Variants in CYFIP2 observed in about 807,000 individuals in gnomAD.
CYFIP2 encodes cytoplasmic FMR1-interacting protein 2.
In CYFIP2, 29 loss-of-function variants were observed where a neutral mutation model predicts 158.7. The ratio of observed to expected loss-of-function variants is 0.18; its 90% CI spans 0.14 to 0.25. CYFIP2 has a LOEUF of 0.25. CYFIP2 is among the 10% of genes least tolerant of loss of function. The pLI, the probability that CYFIP2 is intolerant of heterozygous loss-of-function variation, is 1.00. For synonymous variants in CYFIP2, 585 were observed against 617.6 expected, an observed-to-expected ratio of 0.95 and a Z score of 0.78; for missense variants, 852 against 1,639.5, an observed-to-expected ratio of 0.52 and a Z score of 8.29.
In CYFIP2 at chr5:157,359,005, C is replaced by A. The variant is rs773991920; in HGVS notation, c.2674C>A (p.Pro892Thr). ...VQPYYLYGSK[P>T]LNIAYSHIYS... Reference sequence around the variant, plus strand: ...ATTTGCCACTACCTCTGTTTTCCAGCCTCTCAACATTGCCTACAGCCACAT... The same window carrying A: ...ATTTGCCACTACCTCTGTTTTCCAGACTCTCAACATTGCCTACAGCCACAT... The change falls in exon 24 of 31, where the codon CCT becomes ACT. Residue 892 changes from proline (P) to threonine (T), a missense_variant and splice_region_variant. Around this residue, in one of 8 missense-constraint regions of CYFIP2, gnomAD observed 191 missense variants for 311.2 expected, o/e 0.61. Coordinates refer to ENST00000620254, the MANE Select transcript of CYFIP2 (RefSeq NM_001037333.3). 3.7e-6 allele frequency: 6 copies of A among 1,614,016 alleles called. No homozygotes were observed. In the Admixed American group the frequency reaches 1.0e-4, roughly 27 times the overall value.
At position 157,395,143 on chromosome 5, in the gene CYFIP2, A is replaced by G; in HGVS notation, c.*2143A>G. 5.4e-6 allele frequency: 1 copy of G among 183,822 alleles called. No homozygotes were observed. The highest frequency in any genetic ancestry group is 1.1e-5 in the Non-Finnish European group (1 of 89,500). The allele number at this position is 183,822 out of a possible 1,614,324, so 11.4% of individuals were successfully genotyped here. On this transcript the variant is annotated 3_prime_UTR_variant, in exon 31 of 31. Transcript: ENST00000620254. ...GGCCGAGTCACATTACCTTCAGGAG[A>G]CTTGATCCCAGTAGACTGAGGTCTT... is the stretch of plus-strand genomic sequence containing the variant.
chr5:157,283,757 C>G (rs1015509685), intron 1 of CYFIP2, among the ~76,000 whole-genome samples: 3 of 152,118 alleles, frequency 2.0e-5, no homozygotes, highest in Non-Finnish European at 4.4e-5. Flanking sequence ...AGCCTTGGGC[C>G]TAAGGCAGGT....
At chr5:157,321,552 A>T (rs1030749094) in intron 15 of CYFIP2, among the ~76,000 whole-genome samples, 3 of 152,182 alleles carry the variant, frequency 2.0e-5, no homozygotes, top group African/African-American at 7.2e-5. Context: ...CTACTTAAGG[A>T]TAGGTAGTTT....
At chr5:157,286,301 T>C (rs1757371255) in intron 2 of CYFIP2, among the ~76,000 whole-genome samples, 1 of 151,356 alleles carries the variant, frequency 6.6e-6, no homozygotes, top group Non-Finnish European at 1.5e-5. Flanking sequence ...ATTTTTTCTA[T>C]AACTATGCGG....
At chr5:157,369,138 T>C (rs1488697980) in intron 26 of CYFIP2, among the ~76,000 whole-genome samples, 1 of 152,112 alleles carries the variant, frequency 6.6e-6, no homozygotes, top group Non-Finnish European at 1.5e-5. Context: ...CCTCAAGTGA[T>C]CCACCTGCCT....
At chr5:157,312,809 A>G (rs1759844577) in intron 11 of CYFIP2, among the ~76,000 whole-genome samples, 1 of 152,288 alleles carries the variant, frequency 6.6e-6, no homozygotes, top group Non-Finnish European at 1.5e-5. Flanking sequence ...TATATGTACC[A>G]ATCCGTTGAA....
intron 23 of CYFIP2, among the ~76,000 whole-genome samples, chr5:157,351,525 A>G (rs947715499): frequency 5.3e-5 from 8 of 152,246 alleles, no homozygotes; most frequent in Non-Finnish European, 1.0e-4. Context: ...TTTACAAACC[A>G]CATGACAACT....
chr5:157,308,617 G>A (rs1035697868), intron 9 of CYFIP2, among the ~76,000 whole-genome samples: 4 of 152,202 alleles, frequency 2.6e-5, no homozygotes, highest in African/African-American at 9.7e-5. Context: ...GAACTCAGTG[G>A]TGTGACATGG....
chr5:157,285,286 G>A (rs1245619115), intron 1 of CYFIP2, 53 bp from the exon 2 acceptor site: 2 of 1,271,366 alleles, frequency 1.6e-6, no homozygotes, highest in African/African-American at 3.0e-5. Context: ...CGGTTAAGAG[G>A]AATTTTAGAG....
intron 10 of CYFIP2, 26 bp downstream of exon 10, chr5:157,309,860 G>A (rs553702057): frequency 3.3e-5 from 52 of 1,563,722 alleles, no homozygotes; most frequent in South Asian, 2.4e-4. Flanking sequence ...AATGTCTCTC[G>A]GCTCCCGCAA....
At chr5:157,376,761 C>T in intron 26 of CYFIP2, 1 of 382,740 alleles carries the variant, frequency 2.6e-6, no homozygotes, top group Non-Finnish European at 5.4e-6. Flanking sequence ...GCAAACCTTG[C>T]ACTTGCACAG....
At chr5:157,340,109 C>T (rs1037320401) in intron 22 of CYFIP2, among the ~76,000 whole-genome samples, 11 of 152,230 alleles carry the variant, frequency 7.2e-5, no homozygotes, top group African/African-American at 9.6e-5. Context: ...AAGGTGCACA[C>T]GGCCCGGGGC....
chr5:157,339,320 C>A, intron 22 of CYFIP2, 64 bp downstream of exon 22: 3 of 1,433,516 alleles, frequency 2.1e-6, no homozygotes, highest in African/African-American at 1.4e-5. Context: ...CTGCCTCCTC[C>A]AAACTAGGCC....
chr5:157,342,520 T>TG (rs1161167640), intron 23 of CYFIP2: 3 of 159,302 alleles, frequency 1.9e-5, no homozygotes, highest in Non-Finnish European at 3.5e-5. Flanking sequence ...ACTCAAGTGT[T>TG]TCCTTCAAGT....
chr5:157,269,583 G>C (rs1317622424), intron 1 of CYFIP2: 1 of 152,128 alleles, frequency 6.6e-6, no homozygotes, highest in Non-Finnish European at 1.5e-5. Context: ...CTGCGGATGA[G>C]GTAATGTCTG....
At chr5:157,332,777 T>C (rs1036208717) in intron 20 of CYFIP2, among the ~76,000 whole-genome samples, 18 of 152,192 alleles carry the variant, frequency 1.2e-4, no homozygotes, top group Non-Finnish European at 2.9e-5. Context: ...CCCAAGTAGC[T>C]AGGACTACAG....
chr5:157,317,005 G>T (rs62389531), intron 13 of CYFIP2, among the ~76,000 whole-genome samples: 10 of 152,186 alleles, frequency 6.6e-5, no homozygotes, highest in African/African-American at 2.4e-4. Flanking sequence ...AGAGGACAAA[G>T]TCATCCTCAA....
intron 25 of CYFIP2, 59 bp downstream of exon 25, chr5:157,360,431 T>C: frequency 6.9e-7 from 1 of 1,457,844 alleles, no homozygotes. Flanking sequence ...GCTCTGACCA[T>C]CCACCTTAGA....
At position 157,361,738 on chromosome 5, in the gene CYFIP2, G is replaced by C; in HGVS notation, c.3039+140G>C. 2 of 1,116,846 alleles carry C rather than the reference G, an allele frequency of 1.8e-6. No individual in the cohort carries two copies. The highest frequency in any genetic ancestry group is 2.5e-6 in the Non-Finnish European group (2 of 797,938). The allele number at this position is 1,116,846 out of a possible 1,614,324, so 69.2% of individuals were successfully genotyped here. A position where few individuals can be genotyped will look rare whatever the true frequency, so the allele number is the denominator to read the frequency against. ...GCTCTTTTCAGTTCATTTCCAGACAGACATGGATTCTAGTCCTGGCTCCCC... is the reference window on the plus strand; with the variant it reads ...GCTCTTTTCAGTTCATTTCCAGACACACATGGATTCTAGTCCTGGCTCCCC... On this transcript the variant is annotated intron_variant, in intron 26 of 30. Coordinates refer to ENST00000620254, the MANE Select transcript of CYFIP2 (RefSeq NM_001037333.3). This position sits in a 1 kb window ranked among gnomAD's most constrained non-coding sequence, Gnocchi z 4.4.
Sources: allele counts gnomAD v4.1 joint callset (sites outside exome capture counted in the v4.1 genomes callset), GRCh38; gene constraint gnomAD v4.1.1; regional missense constraint gnomAD v4.1.1; non-coding constraint Gnocchi (gnomAD v3.1); transcripts MANE v1.5; gene names NCBI Gene and HGNC (gene_info 2026-07-23, HGNC 2026-07-21).